C1orf21: variants seen among roughly 807,000 people sequenced by gnomAD.
C1orf21 encodes the protein chromosome 1 open reading frame 21.
Under a neutral mutation model 18.7 loss-of-function variants are expected in C1orf21, and 3 were observed. That is an observed-to-expected ratio of 0.16 (90% CI 0.07 to 0.42). The LOEUF (loss-of-function observed/expected upper bound fraction) is 0.42. Ranked by LOEUF, C1orf21 falls within the 10% of genes least tolerant of loss-of-function variation. The pLI is 0.99. For missense variants in C1orf21, 104 were observed against 143.6 expected, an observed-to-expected ratio of 0.72 and a Z score of 1.41; for synonymous variants, 41 against 46.4, an observed-to-expected ratio of 0.88 and a Z score of 0.47.
chr1:184,564,985 T>C (rs1285914155), intron 3 of C1orf21, among the ~76,000 whole-genome samples: 1 of 152,202 alleles, frequency 6.6e-6, no homozygotes, highest in African/African-American at 2.4e-5. Context: ...ATTATGCCAC[T>C]AACAGTATGA....
chr1:184,491,867 A>G (rs780022524), intron 2 of C1orf21, among the ~76,000 whole-genome samples: 4 of 152,330 alleles, frequency 2.6e-5, no homozygotes, highest in South Asian at 4.1e-4. Context: ...TAACTATGAT[A>G]TAATTCCATA....
At chr1:184,406,122 C>T (rs1487257656) in intron 1 of C1orf21, among the ~76,000 whole-genome samples, 1 of 152,188 alleles carries the variant, frequency 6.6e-6, no homozygotes, top group Non-Finnish European at 1.5e-5. Context: ...AAATCTCTTA[C>T]ATGTGTTTTG....
chr1:184,601,399 T>C (rs1422275461), intron 5 of C1orf21, among the ~76,000 whole-genome samples: 8 of 152,296 alleles, frequency 5.3e-5, no homozygotes, highest in African/African-American at 1.9e-4. Context: ...TCCCTCAAAA[T>C]AGATGTAAAA....
At chr1:184,567,363 C>T (rs1659048695) in intron 3 of C1orf21, 2 of 485,786 alleles carry the variant, frequency 4.1e-6, no homozygotes, top group Admixed American at 2.2e-5. Context: ...CATCATCAGT[C>T]CACCTACCAG....
intron 1 of C1orf21, among the ~76,000 whole-genome samples, chr1:184,407,884 A>G (rs1017222512): frequency 2.0e-5 from 3 of 152,240 alleles, no homozygotes; most frequent in African/African-American, 7.2e-5. Context: ...GATAGTCATG[A>G]TAAATAGGAA....
intron 1 of C1orf21, among the ~76,000 whole-genome samples, chr1:184,447,387 A>G (rs1273088101): frequency 2.6e-5 from 4 of 152,208 alleles, no homozygotes; most frequent in Non-Finnish European, 5.9e-5. Flanking sequence ...CTTAGTGCAC[A>G]CTGTCCTGAA....
chr1:184,408,503 C>T (rs1046992543), intron 1 of C1orf21: 1 of 152,224 alleles, frequency 6.6e-6, no homozygotes, highest in South Asian at 2.1e-4. Context: ...CTTTCATATT[C>T]CATCCCATCA....
chr1:184,452,670 TA>T (rs1373815639), intron 1 of C1orf21, among the ~76,000 whole-genome samples: 1 of 152,212 alleles, frequency 6.6e-6, no homozygotes, highest in Non-Finnish European at 1.5e-5. Flanking sequence ...GATCTTTTTA[TA>T]GATAAATAAT....
intron 1 of C1orf21, among the ~76,000 whole-genome samples, chr1:184,388,868 T>A (rs901790383): frequency 1.3e-5 from 2 of 152,188 alleles, no homozygotes; most frequent in African/African-American, 4.8e-5. Flanking sequence ...AAGGGTCTTT[T>A]AAGTTCAAGA....
At chr1:184,614,255 T>C (rs1349607004) in intron 5 of C1orf21, among the ~76,000 whole-genome samples, 1 of 152,234 alleles carries the variant, frequency 6.6e-6, no homozygotes, top group Non-Finnish European at 1.5e-5. Context: ...AACACTTTCA[T>C]GTATATGCTT....
intron 1 of C1orf21, among the ~76,000 whole-genome samples, chr1:184,470,937 T>A (rs1571373847): frequency 1.3e-5 from 2 of 152,028 alleles, no homozygotes; most frequent in South Asian, 4.1e-4. Context: ...GCCATTGCCT[T>A]TGACCACTGA....
intron 3 of C1orf21, among the ~76,000 whole-genome samples, chr1:184,518,845 G>C (rs1196730763): frequency 1.3e-5 from 2 of 152,004 alleles, no homozygotes; most frequent in Non-Finnish European, 2.9e-5. Flanking sequence ...GTCTCTGATG[G>C]AGGTTCTTGA....
At position 184,620,407 on chromosome 1, in the gene C1orf21, A is replaced by G. The variant is rs530172261; in HGVS notation, c.*851A>G. On this transcript the variant is annotated 3_prime_UTR_variant, in exon 6 of 6. Coordinates refer to ENST00000235307, the MANE Select transcript of C1orf21 (RefSeq NM_030806.4). ...AAGTTGAGCCCTCCTTTGCATTGACACTGATAATTAGCCTATAGGGCTCCC... is the reference window on the plus strand; with the variant it reads ...AAGTTGAGCCCTCCTTTGCATTGACGCTGATAATTAGCCTATAGGGCTCCC... The G allele has an allele frequency of 6.6e-6, 1 of 152,640 alleles. No homozygotes were observed. Among genetic ancestry groups the G allele is most frequent in the South Asian group, 2.1e-4 (1 of 4,812 alleles). 9.5% of individuals were successfully genotyped at this position (152,640 alleles called of 1,614,324 possible).
intron 1 of C1orf21, among the ~76,000 whole-genome samples, chr1:184,397,361 CAGGTCACA>C (rs1224588266): frequency 1.3e-5 from 2 of 152,130 alleles, no homozygotes; most frequent in Non-Finnish European, 2.9e-5. Flanking sequence ...CCAAGGAGGG[CAGGTCACA>C]AGGTCAGGAG....
chr1:184,434,232 T>C (rs1235256585), intron 1 of C1orf21, among the ~76,000 whole-genome samples: 2 of 152,126 alleles, frequency 1.3e-5, no homozygotes, highest in Non-Finnish European at 2.9e-5. Context: ...TGAGTGTGGC[T>C]AAGGCTAATA....
chr1:184,522,526 T>G (rs1658319444), intron 3 of C1orf21, among the ~76,000 whole-genome samples: 1 of 152,052 alleles, frequency 6.6e-6, no homozygotes, highest in Non-Finnish European at 1.5e-5. Flanking sequence ...AGTGTGTGTA[T>G]GCACATACAC....
intron 2 of C1orf21, among the ~76,000 whole-genome samples, chr1:184,479,702 C>G (rs969240025): frequency 6.8e-6 from 1 of 146,932 alleles, no homozygotes. Flanking sequence ...TCACTGCTGC[C>G]TTGACTTCCT....
At chr1:184,576,840 A>C (rs1045838566) in intron 3 of C1orf21, among the ~76,000 whole-genome samples, 2 of 151,978 alleles carry the variant, frequency 1.3e-5, no homozygotes, top group Non-Finnish European at 2.9e-5. Context: ...TTGGAATAAA[A>C]CCCCAAATCC....
At chr1:184,522,710 G>C (rs1658321322) in intron 3 of C1orf21, among the ~76,000 whole-genome samples, 1 of 152,200 alleles carries the variant, frequency 6.6e-6, no homozygotes, top group Admixed American at 6.5e-5. Flanking sequence ...TTTTGAGACA[G>C]AGTCTCACTC....
Sources: allele counts gnomAD v4.1 joint callset (sites outside exome capture counted in the v4.1 genomes callset), GRCh38; gene constraint gnomAD v4.1.1; transcripts MANE v1.5; gene names NCBI Gene and HGNC (gene_info 2026-07-23, HGNC 2026-07-21).